DRP2: variants seen among roughly 807,000 people sequenced by gnomAD.
The protein encoded by DRP2 is dystrophin related protein 2, also known as dystrophin-related protein 2.
In DRP2, 29 loss-of-function variants were observed where a neutral mutation model predicts 78.2. That is an observed-to-expected ratio of 0.37 (90% CI 0.28 to 0.51). The LOEUF (loss-of-function observed/expected upper bound fraction) is 0.51. Among genes scored for constraint, DRP2 ranks in the 20% least tolerant of loss-of-function variants. The pLI is 0.94. For missense variants in DRP2, 686 were observed against 770.6 expected (o/e 0.89, Z 1.30); for synonymous variants, 290 against 281.9 (o/e 1.03, Z -0.29).
At chrX:101,260,361 A>G (rs1923505547) in intron 23 of DRP2, 136 bp from the exon 24 acceptor site, 2 of 951,197 alleles carry the variant, frequency 2.1e-6, no homozygotes, top group African/African-American at 1.9e-5. Context: ...AGCACAACCT[A>G]TGTATTAGGC....
intron 6 of DRP2, among the ~76,000 whole-genome samples, chrX:101,241,397 G>T (rs959817860): frequency 9.0e-6 from 1 of 111,589 alleles, no homozygotes; most frequent in African/African-American, 3.3e-5. Context: ...ACTGGGTAAA[G>T]GGTACATGAA....
In DRP2 at chrX:101,247,073, C is replaced by T. The variant is rs1922957054; in HGVS notation, c.1178-17C>T. 4 of 1,205,975 alleles carry T rather than the reference C, an allele frequency of 3.3e-6. No individual in the cohort carries two copies. The highest frequency in any genetic ancestry group is 1.7e-5 in the African/African-American group (1 of 57,530). On this transcript the variant is annotated splice_polypyrimidine_tract_variant and intron_variant, in intron 11 of 23. Coordinates refer to ENST00000395209, the MANE Select transcript of DRP2 (RefSeq NM_001939.3). ...GAATTTTTCTGATCTGAGTGGGTCT[C>T]TCTCCATTCTTTGCAGCTGATCTGA...
chrX:101,243,203 G>A, intron 9 of DRP2: 1 of 262,163 alleles, frequency 3.8e-6, no homozygotes, highest in Non-Finnish European at 6.8e-6. Flanking sequence ...GAGGTGGGCG[G>A]ATCACCTGAG....
At position 101,240,834 on chromosome X, in the gene DRP2, C is replaced by G. The variant is rs770893908; in HGVS notation, c.560-834C>G. On this transcript the variant is annotated intron_variant, in intron 6 of 23. Transcript: ENST00000395209. ...GATGCCCGATGGGCCTCAGATAGGACAAGCTCTAGAAAGAGCAGCACAATT... is the reference window on the plus strand; with the variant it reads ...GATGCCCGATGGGCCTCAGATAGGAGAAGCTCTAGAAAGAGCAGCACAATT... 1.1e-4 allele frequency among the ~76,000 whole-genome samples: 12 copies of G among 112,324 alleles called. No individual in the cohort carries two copies. In the South Asian group the frequency reaches 4.5e-3, roughly 42 times the overall value.
At chrX:101,255,011 G>A in intron 19 of DRP2, 87 bp downstream of exon 19, 2 of 1,143,832 alleles carry the variant, frequency 1.7e-6, no homozygotes, top group East Asian at 3.0e-5. Context: ...GGAGAATGGA[G>A]TCAGGGCCAG....
At chrX:101,244,811 C>T (rs996867955) in intron 9 of DRP2, among the ~76,000 whole-genome samples, 1 of 112,338 alleles carries the variant, frequency 8.9e-6, no homozygotes, top group Non-Finnish European at 1.9e-5. Flanking sequence ...ACCTCTTCTC[C>T]TTGCCTTGCC....
intron 21 of DRP2, among the ~76,000 whole-genome samples, chrX:101,256,741 TA>T (rs1923352763): frequency 9.6e-6 from 1 of 104,199 alleles, no homozygotes; most frequent in Non-Finnish European, 1.9e-5. Context: ...GTATTTTTAG[TA>T]GAGACGGGGT....
chrX:101,226,041 TA>T (rs1475687362), intron 2 of DRP2, among the ~76,000 whole-genome samples: 1 of 111,992 alleles, frequency 8.9e-6, no homozygotes, highest in Non-Finnish European at 1.9e-5. Flanking sequence ...CTTCCAAAGA[TA>T]TTTTTTTGCA....
At chrX:101,253,214 A>G (rs899284142) in intron 17 of DRP2, among the ~76,000 whole-genome samples, 3 of 111,201 alleles carry the variant, frequency 2.7e-5, no homozygotes, top group Non-Finnish European at 5.6e-5. Context: ...TTGGAGGGAA[A>G]AAAGAAAGGT....
intron 1 of DRP2, among the ~76,000 whole-genome samples, chrX:101,222,823 G>T (rs1247052912): frequency 1.8e-5 from 2 of 111,666 alleles, no homozygotes; most frequent in Admixed American, 9.5e-5. Context: ...TATTCTCCAT[G>T]ATTAAAGTTC....
intron 11 of DRP2, 51 bp downstream of exon 11, chrX:101,245,500 G>A (rs1234414864): frequency 2.1e-6 from 2 of 948,217 alleles, no homozygotes; most frequent in East Asian, 3.2e-5. Flanking sequence ...AGCTGCCTTT[G>A]TCCTATAATG....
chrX:101,251,074 A>G lies in DRP2; in HGVS notation c.1856A>G (p.Lys619Arg). The change falls in exon 16 of 24, where the codon AAG becomes AGG. Residue 619 changes from lysine (K) to arginine (R), a missense_variant. Physicochemically the swap from Lys to Arg is conservative, Grantham distance 26. This residue lies in a region of DRP2 where 423 missense variants were observed against 531.5 expected (regional missense o/e 0.80). Coordinates refer to ENST00000395209, the MANE Select transcript of DRP2 (RefSeq NM_001939.3). ...TCTATCTGTAGGCAGTGCCCCATCA[A>G]GGGGTTCAGGTAGGGAAAACAATAC... ...KCSICRQCPI[K>R]GFRYRSLKQF... The G allele has an allele frequency of 8.3e-7, 1 of 1,207,233 alleles. No individual in the cohort carries two copies. The highest frequency in any genetic ancestry group is 1.8e-5 in the South Asian group (1 of 56,322).
In DRP2 at chrX:101,242,457, T is replaced by C; in HGVS notation, c.961T>C (p.Trp321Arg). The C allele has an allele frequency of 8.3e-7, 1 of 1,209,528 alleles. No homozygotes were observed. The highest frequency in any genetic ancestry group is 1.1e-6 in the Non-Finnish European group (1 of 894,784). ...SQALEQINVR[W>R]KQLQASVSER... ...GGCCCTGGAACAGATCAACGTCCGA[T>C]GGAAACAACTACAGGTAGAAGAGCA... The change falls in exon 8 of 24, where the codon TGG (tryptophan) becomes CGG (arginine). Residue 321 changes from tryptophan to arginine, a missense_variant. By Grantham distance (101) the Trp-to-Arg change is moderately radical (BLOSUM62 -3). Around this residue, in one of 2 missense-constraint regions of DRP2, gnomAD observed 423 missense variants for 531.5 expected, o/e 0.80. Coordinates refer to ENST00000395209, the MANE Select transcript of DRP2 (RefSeq NM_001939.3).
At chrX:101,253,338 T>C (rs1229903235) in intron 17 of DRP2, among the ~76,000 whole-genome samples, 1 of 109,728 alleles carries the variant, frequency 9.1e-6, no homozygotes. Flanking sequence ...ACAGAGTTGC[T>C]CCTGTGCTGT....
chrX:101,237,955 C>T (rs1398853013), intron 5 of DRP2, among the ~76,000 whole-genome samples, 180 bp downstream of exon 5: 1 of 111,810 alleles, frequency 8.9e-6, no homozygotes, highest in African/African-American at 3.3e-5. Context: ...TCTTTCTACC[C>T]CTCCCATCAA....
intron 4 of DRP2, among the ~76,000 whole-genome samples, chrX:101,236,890 G>A (rs1922524910): frequency 9.0e-6 from 1 of 111,334 alleles, no homozygotes; most frequent in Admixed American, 9.5e-5. Context: ...GTGAGGGGGG[G>A]GCAATGAATA....
intron 19 of DRP2, 114 bp from the exon 20 acceptor site, chrX:101,255,070 G>C (rs1268060968): frequency 1.4e-5 from 14 of 1,026,107 alleles, no homozygotes; most frequent in African/African-American, 3.8e-5. Flanking sequence ...CCAACACTTA[G>C]GAGTAGTTGG....
intron 1 of DRP2, among the ~76,000 whole-genome samples, chrX:101,221,413 C>G (rs921168918): frequency 1.4e-4 from 16 of 112,153 alleles, no homozygotes; most frequent in African/African-American, 5.2e-4. Context: ...TCAGGGCCTT[C>G]TAAGGAAACC....
At chrX:101,253,273 C>A in intron 17 of DRP2, among the ~76,000 whole-genome samples, 1 of 111,027 alleles carries the variant, frequency 9.0e-6, no homozygotes, top group Admixed American at 9.7e-5. Flanking sequence ...CCCTGGTAAC[C>A]ATGTCCTCCA....
Sources: allele counts gnomAD v4.1 joint callset (sites outside exome capture counted in the v4.1 genomes callset), GRCh38; gene constraint gnomAD v4.1.1; regional missense constraint gnomAD v4.1.1; transcripts MANE v1.5; gene names NCBI Gene and HGNC (gene_info 2026-07-23, HGNC 2026-07-21).